Variants in ZNF385D observed in about 807,000 individuals in gnomAD.
ZNF385D encodes zinc finger protein 659.
A neutral mutation model predicts 35.8 loss-of-function variants in ZNF385D; 15 were observed. That is an observed-to-expected ratio of 0.42 (90% CI 0.28 to 0.64). ZNF385D has a LOEUF of 0.64. ZNF385D is among the 30% of genes least tolerant of loss of function. The pLI is 0.23. For missense variants in ZNF385D, 474 were observed against 494.6 expected (o/e 0.96, Z 0.39); for synonymous variants, 212 against 186.8 (o/e 1.13, Z -1.10).
At chr3:21,873,263 ATATGT>A (rs143416741) in intron 3 of ZNF385D, among the ~76,000 whole-genome samples, 10,372 of 152,150 alleles carry the variant, frequency 0.068, 513 homozygotes, top group East Asian at 0.18. Flanking sequence ...ATACAGAATC[ATATGT>A]TATAACATTC....
At chr3:22,355,321 T>C (rs1696101654) in intron 2 of ZNF385D, among the ~76,000 whole-genome samples, 1 of 152,062 alleles carries the variant, frequency 6.6e-6, no homozygotes, top group African/African-American at 2.4e-5. Context: ...AATCTCTGGA[T>C]ATGTTTTCAA....
At chr3:21,422,489 C>A (rs1220120029) in intron 7 of ZNF385D, among the ~76,000 whole-genome samples, 2 of 152,100 alleles carry the variant, frequency 1.3e-5, no homozygotes, top group Admixed American at 6.5e-5. Flanking sequence ...CTAACTCATT[C>A]TATGAGGCCA....
At chr3:21,685,958 A>G (rs1260829789) in intron 1 of ZNF385D, among the ~76,000 whole-genome samples, 1 of 152,184 alleles carries the variant, frequency 6.6e-6, no homozygotes, top group Non-Finnish European at 1.5e-5. Flanking sequence ...GGAAAGAAGA[A>G]AGAGAACAAT....
intron 5 of ZNF385D, among the ~76,000 whole-genome samples, chr3:21,429,655 A>G (rs1374792446): frequency 6.6e-6 from 1 of 152,146 alleles, no homozygotes; most frequent in Non-Finnish European, 1.5e-5. Context: ...AATTACAAAG[A>G]AAGTTTCAGA....
chr3:21,964,812 T>C (rs1702815916), intron 3 of ZNF385D, among the ~76,000 whole-genome samples: 1 of 152,080 alleles, frequency 6.6e-6, no homozygotes, highest in African/African-American at 2.4e-5. Context: ...GATCTTGAAG[T>C]AACATAATTC....
At chr3:21,910,350 G>A (rs1313997363) in intron 3 of ZNF385D, among the ~76,000 whole-genome samples, 3 of 151,896 alleles carry the variant, frequency 2.0e-5, no homozygotes, top group African/African-American at 4.8e-5. Context: ...CTCCTTAAAA[G>A]CTAATAAAAA....
intron 3 of ZNF385D, among the ~76,000 whole-genome samples, chr3:21,548,496 C>G (rs1487361326): frequency 6.6e-6 from 1 of 152,166 alleles, no homozygotes; most frequent in Non-Finnish European, 1.5e-5. Context: ...ATATTCTGTG[C>G]TTCCAGTTTT....
At chr3:22,023,061 G>A (rs754149029) in intron 3 of ZNF385D, among the ~76,000 whole-genome samples, 20 of 152,144 alleles carry the variant, frequency 1.3e-4, no homozygotes, top group Non-Finnish European at 2.2e-4. Context: ...GCTGCTCTTC[G>A]CAAGTGTTTC....
chr3:22,326,445 G>C (rs1486969265), intron 2 of ZNF385D, among the ~76,000 whole-genome samples: 1 of 152,126 alleles, frequency 6.6e-6, no homozygotes, highest in East Asian at 1.9e-4. Flanking sequence ...TCTGCATGTG[G>C]CTTAATTATC....
At chr3:22,016,384 T>C (rs930747718) in intron 3 of ZNF385D, among the ~76,000 whole-genome samples, 3 of 152,096 alleles carry the variant, frequency 2.0e-5, no homozygotes, top group Non-Finnish European at 4.4e-5. Flanking sequence ...ATGCTATACT[T>C]AGCATTCTAT....
intron 3 of ZNF385D, among the ~76,000 whole-genome samples, chr3:22,026,037 G>T (rs1284878735): frequency 1.3e-5 from 2 of 152,158 alleles, no homozygotes; most frequent in Admixed American, 6.5e-5. Flanking sequence ...AATCAGAATA[G>T]GCTGACTCGA....
At chr3:21,720,038 A>C (rs937781160) in intron 1 of ZNF385D, among the ~76,000 whole-genome samples, 19 of 152,194 alleles carry the variant, frequency 1.2e-4, no homozygotes, top group African/African-American at 3.9e-4. Context: ...TTAGCTGCGC[A>C]CTAGAATCAT....
chr3:22,189,912 C>G (rs141961743), intron 2 of ZNF385D, among the ~76,000 whole-genome samples: 1 of 152,096 alleles, frequency 6.6e-6, no homozygotes, highest in Non-Finnish European at 1.5e-5. Context: ...TTAGGATATT[C>G]CAGAAGTGAG....
chr3:22,150,087 G>T (rs1377659887), intron 3 of ZNF385D, among the ~76,000 whole-genome samples: 1 of 152,142 alleles, frequency 6.6e-6, no homozygotes, highest in African/African-American at 2.4e-5. Flanking sequence ...CTGCATTACT[G>T]CATTTGCTTT....
In ZNF385D at chr3:22,364,314, A is replaced by G. The variant is rs1275037095; in HGVS notation, c.106+8136T>C. On this transcript the variant is annotated intron_variant, in intron 2 of 5. Coordinates refer to the ZNF385D transcript ENST00000494108. The stretch of plus-strand genomic sequence containing the variant: ...GCAAAAAGGCCATATCAACAAAGTA[A>G]AAGATAACCACAGACTGGGAGAAAA... Among the ~76,000 whole-genome samples the G allele has an allele frequency of 3.3e-5, 5 of 152,204 alleles. No homozygotes were observed. In the East Asian group the frequency reaches 7.7e-4, roughly 24 times the overall value.
intron 3 of ZNF385D, among the ~76,000 whole-genome samples, chr3:21,996,062 T>C (rs1029674473): frequency 8.5e-5 from 13 of 152,076 alleles, no homozygotes; most frequent in African/African-American, 2.7e-4. Flanking sequence ...GTGCAGGGGC[T>C]ATTGTGCCCC....
Position 21,424,017 on chromosome 3 carries a change from C to T in ZNF385D, c.900G>A (p.Pro300=), listed in dbSNP as rs747452269. 3.8e-5 allele frequency: 61 copies of T among 1,603,992 alleles called. No homozygotes were observed. The highest frequency in any genetic ancestry group is 4.7e-5 in the Non-Finnish European group (55 of 1,176,864). The change falls in exon 7 of 8, where the codon CCG becomes CCA. Residue 300 remains proline, a synonymous_variant. Transcript: ENST00000281523. ...TGTTGTAAGGACTGTATTTAGGTTT[C>T]GGGGGCTTCCCAGCAGCTCTGTCTT... The part of the protein sequence containing the change: ...RHKDRAAGKP[P]KPKYSPYNKL...
intron 3 of ZNF385D, among the ~76,000 whole-genome samples, chr3:21,818,309 C>G (rs769084650): frequency 6.6e-6 from 1 of 152,166 alleles, no homozygotes; most frequent in Non-Finnish European, 1.5e-5. Flanking sequence ...TGCATATGTA[C>G]TCTAGAACAT....
intron 3 of ZNF385D, among the ~76,000 whole-genome samples, chr3:22,118,873 T>G (rs1302566598): frequency 3.9e-5 from 6 of 152,158 alleles, no homozygotes; most frequent in Non-Finnish European, 7.4e-5. Flanking sequence ...GTACTTTCCA[T>G]TACTGCTTTG....
Sources: gnomAD v4.1 joint callset for allele counts (sites outside exome capture counted in the v4.1 genomes callset) on GRCh38, gnomAD v4.1.1 for gene constraint, MANE v1.5 for transcripts, NCBI Gene and HGNC (gene_info 2026-07-23, HGNC 2026-07-21) for gene names.